CDH4: variants seen among roughly 807,000 people sequenced by gnomAD.
CDH4 encodes the protein cadherin-4.
Under a neutral mutation model 86.0 loss-of-function variants are expected in CDH4, and 33 were observed. The observed-to-expected ratio is 0.38, with a 90% confidence interval of 0.29 to 0.51. CDH4 has a LOEUF of 0.51. CDH4 is among the 20% of genes least tolerant of loss of function. The probability of loss-of-function intolerance (pLI) is 0.86; values close to 1 mark genes in which losing one functional copy is unlikely to be tolerated. For missense variants in CDH4, 1,114 were observed against 1,307.4 expected, an observed-to-expected ratio of 0.85 and a Z score of 2.28; for synonymous variants, 555 against 549.4, an observed-to-expected ratio of 1.01 and a Z score of -0.14.
intron 2 of CDH4, among the ~76,000 whole-genome samples, chr20:61,406,489 A>G (rs2085083651): frequency 1.5e-5 from 2 of 133,282 alleles, no homozygotes; most frequent in Non-Finnish European, 3.1e-5. Context: ...ACCATCTGCC[A>G]TCTGCTCTGC....
At chr20:61,479,971 A>G (rs1273251929) in intron 2 of CDH4, among the ~76,000 whole-genome samples, 2 of 152,172 alleles carry the variant, frequency 1.3e-5, no homozygotes, top group Non-Finnish European at 2.9e-5. Flanking sequence ...CCCATCTGCT[A>G]TGAATCACAT....
chr20:61,865,418 G>T (rs764583465), intron 6 of CDH4, among the ~76,000 whole-genome samples: 10 of 152,098 alleles, frequency 6.6e-5, no homozygotes, highest in Non-Finnish European at 1.2e-4. Flanking sequence ...GTAGATGATA[G>T]GTTGCTTCCT....
intron 2 of CDH4, among the ~76,000 whole-genome samples, chr20:61,587,109 G>A (rs1425657517): frequency 1.3e-5 from 2 of 152,212 alleles, no homozygotes; most frequent in Non-Finnish European, 1.5e-5. Context: ...CTCAGCATCA[G>A]TACCATTGAT....
At chr20:61,629,712 C>T (rs1362597296) in intron 2 of CDH4, among the ~76,000 whole-genome samples, 2 of 152,224 alleles carry the variant, frequency 1.3e-5, no homozygotes, top group African/African-American at 4.8e-5. Flanking sequence ...CCCAGACAAG[C>T]TAGGCTGCCC....
chr20:61,665,116 G>A (rs1227028047), intron 2 of CDH4, among the ~76,000 whole-genome samples: 1 of 152,232 alleles, frequency 6.6e-6, no homozygotes, highest in Non-Finnish European at 1.5e-5. Context: ...GGGACGAGTT[G>A]AGAAGGACAA....
intron 6 of CDH4, among the ~76,000 whole-genome samples, chr20:61,862,337 C>A (rs895948754): frequency 3.3e-5 from 5 of 152,202 alleles, no homozygotes; most frequent in African/African-American, 9.7e-5. Context: ...AGCTCTCAAG[C>A]CTTGATGACA....
At chr20:61,300,626 C>G (rs147384499) in intron 2 of CDH4, among the ~76,000 whole-genome samples, 20 of 152,304 alleles carry the variant, frequency 1.3e-4, no homozygotes, top group Non-Finnish European at 2.2e-4. Flanking sequence ...TCTGTGTCCC[C>G]TCTGTCCAGT....
In CDH4 at chr20:61,718,159, C is replaced by T. The variant is rs564813174; in HGVS notation, c.170-25404C>T. 364 of 153,372 alleles carry T rather than the reference C, an allele frequency of 2.4e-3. 1 individual carries two copies. Among genetic ancestry groups the T allele is most frequent in the South Asian group, 5.6e-3 (27 of 4,828 alleles). The allele number at this position is 153,372 out of a possible 1,614,324, so 9.5% of individuals were successfully genotyped here. On this transcript the variant is annotated intron_variant, in intron 2 of 15. Transcript: ENST00000614565. ...GGGGTGGGGCTGGTTAGGACCCACC[C>T]GGAAGACTGAGCCGCTGGGTCCTGC...
intron 2 of CDH4, among the ~76,000 whole-genome samples, chr20:61,565,027 C>T (rs1157332556): frequency 8.0e-6 from 1 of 124,548 alleles, no homozygotes; most frequent in Non-Finnish European, 1.7e-5. Context: ...CACACTGCTG[C>T]TGGATTTGTT....
chr20:61,401,353 G>A (rs374242815), intron 2 of CDH4, among the ~76,000 whole-genome samples: 5 of 151,624 alleles, frequency 3.3e-5, no homozygotes, highest in Non-Finnish European at 5.9e-5. Context: ...CCTGTTGTGC[G>A]TTGAACTATG....
In CDH4 at chr20:61,603,624, A is replaced by G. The variant is rs1220101849; in HGVS notation, c.170-139939A>G. 2.6e-5 allele frequency among the ~76,000 whole-genome samples: 4 copies of G among 152,164 alleles called. No homozygotes were observed. In the East Asian group the frequency reaches 5.8e-4, roughly 22 times the overall value. On this transcript the variant is annotated intron_variant, in intron 2 of 15. Coordinates refer to ENST00000614565, the MANE Select transcript of CDH4 (RefSeq NM_001794.5). ...TAGGTCCCATTGTCCCCTTCACTCC[A>G]TGCCCACCCCGTCTGCCCAGGGCAG...
chr20:61,655,874 G>T lies in CDH4; in HGVS notation c.170-87689G>T, dbSNP rs150086997. On this transcript the variant is annotated intron_variant, in intron 2 of 15. Transcript: ENST00000614565. ...ACGGCACAGCCCAGGTGAAGTGTGTGGCTAATAGAGAGCAGCCGAGCTCCA... is the reference window on the plus strand; with the variant it reads ...ACGGCACAGCCCAGGTGAAGTGTGTTGCTAATAGAGAGCAGCCGAGCTCCA... 3.6e-3 allele frequency among the ~76,000 whole-genome samples: 541 copies of T among 152,316 alleles called. 1 individual carries two copies. Among genetic ancestry groups the T allele is most frequent in the African/African-American group, 0.012 (490 of 41,570 alleles).
In CDH4 at chr20:61,818,050, G is replaced by C. The variant is rs545092861; in HGVS notation, c.577-26618G>C. On this transcript the variant is annotated intron_variant, in intron 4 of 15. Transcript: ENST00000614565. ...TTTTTCTTTTCTTTTCTTTTTTTGA[G>C]ACGGAGTCTCGCTCTGTCACCCAGG... Among the ~76,000 whole-genome samples, 7 of 151,358 alleles carry C rather than the reference G, an allele frequency of 4.6e-5. 1 individual carries two copies. In the South Asian group the frequency reaches 1.5e-3, roughly 32 times the overall value.
chr20:61,479,843 G>A (rs1168709976), intron 2 of CDH4, among the ~76,000 whole-genome samples: 2 of 152,178 alleles, frequency 1.3e-5, no homozygotes, highest in Non-Finnish European at 2.9e-5. Flanking sequence ...AGGCTACTCA[G>A]GGTCGCCCCA....
chr20:61,511,056 A>G (rs2085775778), intron 2 of CDH4, among the ~76,000 whole-genome samples: 1 of 152,248 alleles, frequency 6.6e-6, no homozygotes, highest in South Asian at 2.1e-4. Context: ...CATGCCATTC[A>G]TGACAGATCC....
At chr20:61,773,319 T>C in intron 4 of CDH4, 137 bp downstream of exon 4, 1 of 846,232 alleles carries the variant, frequency 1.2e-6, no homozygotes, top group South Asian at 1.9e-5. Context: ...TGTAATGAGA[T>C]AAGCCTTACA....
intron 2 of CDH4, among the ~76,000 whole-genome samples, chr20:61,413,643 C>T (rs1002804798): frequency 1.1e-4 from 16 of 152,316 alleles, no homozygotes; most frequent in South Asian, 2.1e-4. Context: ...CATGGCCTGG[C>T]GCTGGCGGTT....
intron 2 of CDH4, among the ~76,000 whole-genome samples, chr20:61,533,987 C>CCTT (rs11471628): frequency 0.15 from 23,343 of 152,176 alleles, 2,084 homozygotes; most frequent in East Asian, 0.45. Context: ...ATCCCCACCT[C>CCTT]CTGTTTAGAG....
At chr20:61,635,178 GC>G (rs1161154706) in intron 2 of CDH4, among the ~76,000 whole-genome samples, 2 of 151,410 alleles carry the variant, frequency 1.3e-5, no homozygotes, top group Non-Finnish European at 3.0e-5. Context: ...GCTGGACCCG[GC>G]AGTAACTCTA....
Sources: allele counts gnomAD v4.1 joint callset (sites outside exome capture counted in the v4.1 genomes callset), GRCh38; gene constraint gnomAD v4.1.1; transcripts MANE v1.5; gene names NCBI Gene and HGNC (gene_info 2026-07-23, HGNC 2026-07-21).